The following SLC2A1 variants were observed in gnomAD, a reference collection of about 807,000 sequenced individuals.
SLC2A1 encodes the protein solute carrier family 2, facilitated glucose transporter member 1.
In SLC2A1, 4 loss-of-function variants were observed where a neutral mutation model predicts 46.6. The observed-to-expected ratio is 0.09, with a 90% CI of 0.04 to 0.20. SLC2A1 has a LOEUF of 0.20. Among genes scored for constraint, SLC2A1 ranks in the 10% least tolerant of loss-of-function variants. The pLI, the probability that SLC2A1 is intolerant of heterozygous loss-of-function variation, is 1.00. For missense variants in SLC2A1, 352 were observed against 667.0 expected, an observed-to-expected ratio of 0.53 and a Z score of 5.20; for synonymous variants, 253 against 270.0, an observed-to-expected ratio of 0.94 and a Z score of 0.62.
In SLC2A1 at chr1:42,927,560, G is replaced by C; in HGVS notation, c.1278+45C>G. 2 of 1,534,222 alleles carry C rather than the reference G, an allele frequency of 1.3e-6. No homozygotes were observed. Among genetic ancestry groups the C allele is most frequent in the Non-Finnish European group, 1.8e-6 (2 of 1,124,628 alleles). ...GGGCCAGCACTTTGCACAGCACTGT[G>C]GGGTCATGCGTGCGGGTGAGTATAG... On this transcript the variant is annotated intron_variant, in intron 9 of 9. Coordinates refer to ENST00000426263, the MANE Select transcript of SLC2A1 (RefSeq NM_006516.4). This position sits in a 1 kb window ranked among gnomAD's most constrained non-coding sequence, Gnocchi z 5.3.
intron 1 of SLC2A1, among the ~76,000 whole-genome samples, chr1:42,945,209 G>C (rs1390880685): frequency 6.6e-6 from 1 of 152,114 alleles, no homozygotes; most frequent in African/African-American, 2.4e-5. Flanking sequence ...GAACACATTA[G>C]AATAGATTAA....
At chr1:42,943,945 A>C (rs1383981189) in intron 1 of SLC2A1, among the ~76,000 whole-genome samples, 3 of 152,126 alleles carry the variant, frequency 2.0e-5, no homozygotes, top group Non-Finnish European at 4.4e-5. Flanking sequence ...TGCTGTTCAC[A>C]GGGCAGGAAA....
chr1:42,940,858 C>G (rs770559917), intron 2 of SLC2A1, among the ~76,000 whole-genome samples: 5 of 152,146 alleles, frequency 3.3e-5, no homozygotes, highest in Non-Finnish European at 5.9e-5. Flanking sequence ...AAGAAACAGA[C>G]CCATACATAC....
At position 42,930,743 on chromosome 1, in the gene SLC2A1, G is replaced by A. The variant is rs11537641; in HGVS notation, c.399C>T (p.Cys133=). 311,527 of 1,609,076 alleles carry A rather than the reference G, an allele frequency of 0.19. 30,999 individuals are homozygous for A. The highest frequency in any genetic ancestry group is 0.21 in the Admixed American group (12,603 of 59,998). The change falls in exon 4 of 10, where the codon TGC becomes TGT. Residue 133 remains cysteine, a synonymous_variant. Transcript: ENST00000426263. This position sits in a 1 kb window ranked among gnomAD's most constrained non-coding sequence, Gnocchi z 6.2. ...TGGGCACGAAGCCTGTGGTCAGGCCGCAGTACACACCGATGATGAAGCGGC... is the reference window on the plus strand; with the variant it reads ...TGGGCACGAAGCCTGTGGTCAGGCCACAGTACACACCGATGATGAAGCGGC... The part of the protein sequence containing the change: ...ILGRFIIGVY[C]GLTTGFVPMY...
In SLC2A1 at chr1:42,926,470, G is replaced by A. The variant is rs6413524; in HGVS notation, c.*571C>T. The A allele has an allele frequency of 6.0e-4, 155 of 258,330 alleles. No homozygotes were observed. The highest frequency in any genetic ancestry group is 2.9e-3 in the African/African-American group (129 of 45,160). 16.0% of individuals were successfully genotyped at this position (258,330 alleles called of 1,614,324 possible). On this transcript the variant is annotated 3_prime_UTR_variant, in exon 10 of 10. Coordinates refer to ENST00000426263, the MANE Select transcript of SLC2A1 (RefSeq NM_006516.4). The stretch of plus-strand genomic sequence containing the variant: ...TCCCTGCACTCCAGTGCTCCCAACT[G>A]GTCTCAGGTAAAGAAAGATTAATTT...
At position 42,958,659 on chromosome 1, in the gene SLC2A1, C is replaced by T. The variant is rs1262094949; in HGVS notation, c.-8G>A. ...CTTGCTGCTGGGCTCCATGGCAGCG[C>T]TGCGCTGGTGGCTCTGGCTGCGCCG... On this transcript the variant is annotated 5_prime_UTR_variant, in exon 1 of 10. Transcript: ENST00000426263. 2.0e-6 allele frequency: 3 copies of T among 1,535,202 alleles called. No homozygotes were observed. The African/African-American group carries it at 4.1e-5, about 21-fold the overall frequency.
chr1:42,958,125 A>T (rs1392074430), intron 1 of SLC2A1, among the ~76,000 whole-genome samples: 2 of 152,074 alleles, frequency 1.3e-5, no homozygotes, highest in Non-Finnish European at 2.9e-5. Context: ...GCCCACCTAC[A>T]GGGGCGTCCG....
chr1:42,927,124 C>G lies in SLC2A1; in HGVS notation c.1396G>C (p.Gly466Arg). 1 of 1,614,156 alleles carries G rather than the reference C, an allele frequency of 6.2e-7. No individual in the cohort carries two copies. Among genetic ancestry groups the G allele is most frequent in the Non-Finnish European group, 8.5e-7 (1 of 1,180,036 alleles). ...TGGCTGGCTCCCCCCTGCCGGAAGC[C>G]GGAAGCGATCTCATCGAAGGTCCGG... ...KGRTFDEIAS[G>R]FRQGGASQSD... The change falls in exon 10 of 10, where the codon GGC becomes CGC. Residue 466 changes from glycine (G) to arginine (R), a missense_variant. By Grantham distance (125) the Gly-to-Arg change is moderately radical. This residue lies in a region of SLC2A1 where 41 missense variants were observed against 49.1 expected (regional missense o/e 0.83). Transcript: ENST00000426263. This position sits in a 1 kb window ranked among gnomAD's most constrained non-coding sequence, Gnocchi z 5.3.
chr1:42,932,517 C>T (rs561035126), intron 2 of SLC2A1, among the ~76,000 whole-genome samples: 4 of 152,322 alleles, frequency 2.6e-5, no homozygotes, highest in Admixed American at 6.5e-5. Flanking sequence ...GCCCCTCATC[C>T]CCTACCACTT....
chr1:42,947,133 A>G (rs536062443), intron 1 of SLC2A1, among the ~76,000 whole-genome samples: 1 of 152,350 alleles, frequency 6.6e-6, no homozygotes, highest in African/African-American at 2.4e-5. Context: ...GAACTGGAAC[A>G]TGGCAATGAA....
Position 42,958,701 on chromosome 1 carries a change from C to A in SLC2A1, c.-50G>T, listed in dbSNP as rs796053244. 66 of 1,529,254 alleles carry A rather than the reference C, an allele frequency of 4.3e-5. No individual in the cohort carries two copies. Among genetic ancestry groups the A allele is most frequent in the Non-Finnish European group, 5.2e-5 (59 of 1,141,304 alleles). The allele number at this position is 1,529,254 out of a possible 1,614,324, so 94.7% of individuals were successfully genotyped here. A position where few individuals can be genotyped will look rare whatever the true frequency, so the allele number is the denominator to read the frequency against. The stretch of plus-strand genomic sequence containing the variant: ...GCTGCGCCGGGTACGCGGGTGGCGA[C>A]GGGCGTGCGAGCGGCGCTCTCCCGC... On this transcript the variant is annotated 5_prime_UTR_variant, in exon 1 of 10. Transcript: ENST00000426263.
At chr1:42,943,342 C>A (rs1477540295) in intron 1 of SLC2A1, 21 bp from the exon 2 acceptor site, 1 of 1,577,028 alleles carries the variant, frequency 6.3e-7, no homozygotes, top group East Asian at 2.2e-5. Context: ...ACAAACCACA[C>A]TGTTATAGGC....
intron 2 of SLC2A1, among the ~76,000 whole-genome samples, chr1:42,933,959 C>A (rs1267475541): frequency 3.9e-5 from 6 of 152,182 alleles, no homozygotes; most frequent in Admixed American, 3.9e-4. Flanking sequence ...AAGGTATTCC[C>A]CCAACCCTCT....
At chr1:42,933,933 T>C (rs1346954552) in intron 2 of SLC2A1, among the ~76,000 whole-genome samples, 1 of 152,200 alleles carries the variant, frequency 6.6e-6, no homozygotes, top group East Asian at 1.9e-4. Flanking sequence ...GCTAAATTTC[T>C]GCATTCCATA....
Position 42,925,733 on chromosome 1 carries a change from T to A in SLC2A1, c.*1308A>T, listed in dbSNP as rs576554735. 6 of 152,222 alleles carry A rather than the reference T, an allele frequency of 3.9e-5. No homozygotes were observed. The highest frequency in any genetic ancestry group is 9.6e-5 in the African/African-American group (4 of 41,524). The allele number at this position is 152,222 out of a possible 1,614,324, so 9.4% of individuals were successfully genotyped here. On this transcript the variant is annotated 3_prime_UTR_variant, in exon 10 of 10. Coordinates refer to ENST00000426263, the MANE Select transcript of SLC2A1 (RefSeq NM_006516.4). ...GAGGGGTGCAGGAGGTGGGTGGAGT[T>A]AATGGAGTAGTGGTTGTATGGTACC...
intron 1 of SLC2A1, among the ~76,000 whole-genome samples, chr1:42,948,217 C>T (rs936843388): frequency 2.8e-4 from 43 of 152,372 alleles, no homozygotes; most frequent in African/African-American, 8.9e-4. Flanking sequence ...TCTCCCCCAA[C>T]GCTCGGATGC....
intron 2 of SLC2A1, among the ~76,000 whole-genome samples, chr1:42,938,596 G>A (rs564091938): frequency 1.4e-3 from 213 of 152,352 alleles, no homozygotes; most frequent in Middle Eastern, 3.4e-3. Flanking sequence ...CTTCTCAAGA[G>A]TAGGCAAACT....
intron 1 of SLC2A1, among the ~76,000 whole-genome samples, chr1:42,945,048 G>A (rs1643636977): frequency 6.6e-6 from 1 of 152,150 alleles, no homozygotes; most frequent in South Asian, 2.1e-4. Context: ...TCATAGGGTG[G>A]ACACTAATTC....
At position 42,934,964 on chromosome 1, in the gene SLC2A1, C is replaced by T. The variant is rs191489711; in HGVS notation, c.115-3758G>A. On this transcript the variant is annotated intron_variant, in intron 2 of 9. Coordinates refer to ENST00000426263, the MANE Select transcript of SLC2A1 (RefSeq NM_006516.4). ...ACCCCATTTCCCACAGTGAACCACC[C>T]CTCAGAATGCAGTCGGAGTCCTGCA... 5.6e-4 allele frequency among the ~76,000 whole-genome samples: 86 copies of T among 152,276 alleles called. 1 individual carries two copies. The highest frequency in any genetic ancestry group is 2.0e-3 in the African/African-American group (83 of 41,552).
Sources: allele counts gnomAD v4.1 joint callset (sites outside exome capture counted in the v4.1 genomes callset), GRCh38; gene constraint gnomAD v4.1.1; regional missense constraint gnomAD v4.1.1; non-coding constraint Gnocchi (gnomAD v3.1); transcripts MANE v1.5; gene names NCBI Gene and HGNC (gene_info 2026-07-23, HGNC 2026-07-21).